The following PRKN variants were observed in gnomAD, a reference collection of about 807,000 sequenced individuals.
The protein encoded by PRKN is parkin RBR E3 ubiquitin protein ligase.
PRKN carries 56 observed loss-of-function variants against 59.5 expected under a neutral mutation model. The ratio of observed to expected loss-of-function variants is 0.94; its 90% CI spans 0.76 to 1.18. The LOEUF is 1.18. PRKN is among the 50% of genes most tolerant of loss of function. PRKN has a pLI of 0.00. For synonymous variants in PRKN, 250 were observed against 222.1 expected, an observed-to-expected ratio of 1.13 and a Z score of -1.12; for missense variants, 657 against 596.4, an observed-to-expected ratio of 1.10 and a Z score of -1.06.
rs188401052 is a variant in PRKN at position 162,499,247 on chromosome 6, C to G, written c.8-55774G>C. Among the ~76,000 whole-genome samples, 30 of 152,268 alleles carry G rather than the reference C, an allele frequency of 2.0e-4. 2 individuals carry two copies. The highest frequency in any genetic ancestry group is 1.5e-4 in the Non-Finnish European group (10 of 68,026). ...TCTCTGCAAGGAATAGTTTTCTTCT[C>G]TCTCCTAACTCCTATATGACCTTAA... On this transcript the variant is annotated intron_variant, in intron 1 of 11. Coordinates refer to ENST00000366898, the MANE Select transcript of PRKN (RefSeq NM_004562.3).
At chr6:161,770,168 G>A (rs1337485111) in intron 7 of PRKN, among the ~76,000 whole-genome samples, 2 of 152,148 alleles carry the variant, frequency 1.3e-5, no homozygotes, top group Admixed American at 1.3e-4. Context: ...CTGCGTTGAA[G>A]CTCAGGAAAC....
rs891495394 is a variant in PRKN at position 161,372,995 on chromosome 6, G to A, written c.1168-12790C>T. ...TGATCTTTAAAAAATATTTTTTGTAGAGATGGGGTCTCACTTTGTTGCCCA... is the reference window on the plus strand; with the variant it reads ...TGATCTTTAAAAAATATTTTTTGTAAAGATGGGGTCTCACTTTGTTGCCCA... On this transcript the variant is annotated intron_variant, in intron 10 of 11. Transcript: ENST00000366898. This position sits in a 1 kb window ranked among gnomAD's most constrained non-coding sequence, Gnocchi z 4.2. Among the ~76,000 whole-genome samples the A allele has an allele frequency of 5.3e-5, 8 of 151,986 alleles. No homozygotes were observed. The East Asian group carries it at 1.4e-3, about 26-fold the overall frequency.
chr6:162,245,042 G>A (rs1179899044), intron 3 of PRKN, among the ~76,000 whole-genome samples: 3 of 152,060 alleles, frequency 2.0e-5, no homozygotes, highest in African/African-American at 7.2e-5. Flanking sequence ...AATGGTTGCA[G>A]GGAGCAAAGT....
intron 1 of PRKN, among the ~76,000 whole-genome samples, chr6:162,616,381 C>T (rs1782417305): frequency 6.6e-6 from 1 of 152,176 alleles, no homozygotes; most frequent in Non-Finnish European, 1.5e-5. Context: ...AATAAATAGA[C>T]TTAGCAATGT....
chr6:161,734,545 A>G (rs927347342), intron 7 of PRKN, among the ~76,000 whole-genome samples: 4 of 152,192 alleles, frequency 2.6e-5, no homozygotes, highest in Non-Finnish European at 5.9e-5. Context: ...ACTTGTGGAA[A>G]CTGAGGGGTA....
chr6:162,398,253 G>A (rs1787574848), intron 2 of PRKN, among the ~76,000 whole-genome samples: 1 of 152,034 alleles, frequency 6.6e-6, no homozygotes, highest in Admixed American at 6.6e-5. Context: ...CTGGCTTACT[G>A]AATAAAGCTT....
intron 1 of PRKN, among the ~76,000 whole-genome samples, chr6:162,537,000 AATTAT>A (rs948024281): frequency 3.1e-4 from 47 of 152,170 alleles, no homozygotes; most frequent in African/African-American, 1.1e-3. Flanking sequence ...GTTTTCTAAC[AATTAT>A]ATTAGATATT....
chr6:162,159,092 G>A (rs1893548), intron 4 of PRKN, among the ~76,000 whole-genome samples: 118,328 of 151,874 alleles, frequency 0.78, 47,908 homozygotes, highest in Non-Finnish European at 0.89. Context: ...AGCCCCTCTG[G>A]ACCAGGCTCT....
chr6:162,445,806 G>A (rs1486720273), intron 1 of PRKN, among the ~76,000 whole-genome samples: 1 of 150,566 alleles, frequency 6.6e-6, no homozygotes, highest in Non-Finnish European at 1.5e-5. Flanking sequence ...TCCCTATATG[G>A]GTGTGCAGTA....
At chr6:161,929,921 T>C (rs1779110303) in intron 6 of PRKN, among the ~76,000 whole-genome samples, 1 of 152,224 alleles carries the variant, frequency 6.6e-6, no homozygotes, top group Non-Finnish European at 1.5e-5. Flanking sequence ...TGGGATTCCT[T>C]GTTTTCATAA....
intron 3 of PRKN, among the ~76,000 whole-genome samples, chr6:162,206,340 C>T (rs954376323): frequency 4.4e-4 from 67 of 152,102 alleles, no homozygotes; most frequent in Admixed American, 1.1e-3. Flanking sequence ...GGAAAGTAGC[C>T]AGTGCAGTCT....
At position 162,054,141 on chromosome 6, in the gene PRKN, T is replaced by C. The variant is rs149060668; in HGVS notation, c.568A>G (p.Asn190Asp). The C allele has an allele frequency of 9.3e-6, 15 of 1,613,584 alleles. No individual in the cohort carries two copies. In the African/African-American group the frequency reaches 1.6e-4, roughly 17 times the overall value. The stretch of plus-strand genomic sequence containing the variant: ...GATTGGCATTCACCACTCATCCGGT[T>C]TGGAATTAAAACATCATCCCAGCAA... Reference protein sequence around the residue: ...PSCWDDVLIPNRMSGECQSPH... With the variant: ...PSCWDDVLIPDRMSGECQSPH... Residue 190 changes from asparagine (N) to aspartate (D), a missense_variant, in exon 5 of 12, where the codon AAC (asparagine) becomes GAC (aspartate). Transcript: ENST00000366898.
At chr6:161,542,106 T>C (rs981633621) in intron 9 of PRKN, among the ~76,000 whole-genome samples, 1 of 152,198 alleles carries the variant, frequency 6.6e-6, no homozygotes, top group African/African-American at 2.4e-5. Context: ...GCGATCTACT[T>C]CCATTTAGTA....
At chr6:161,660,562 C>T (rs1784506153) in intron 7 of PRKN, among the ~76,000 whole-genome samples, 1 of 152,130 alleles carries the variant, frequency 6.6e-6, no homozygotes, top group Non-Finnish European at 1.5e-5. Flanking sequence ...TGGCCCATTC[C>T]TTAGAAAGGA....
intron 4 of PRKN, among the ~76,000 whole-genome samples, chr6:162,060,130 A>G (rs1467193670): frequency 6.6e-6 from 1 of 152,176 alleles, no homozygotes; most frequent in Non-Finnish European, 1.5e-5. Flanking sequence ...AATTTTCCAA[A>G]CTCATACTGA....
intron 7 of PRKN, among the ~76,000 whole-genome samples, chr6:161,741,872 T>C (rs370407680): frequency 1.4e-4 from 21 of 152,146 alleles, no homozygotes; most frequent in African/African-American, 3.4e-4. Context: ...GTGGAGATAA[T>C]TGAATCATGG....
At chr6:161,715,690 G>C (rs1786944331) in intron 7 of PRKN, among the ~76,000 whole-genome samples, 1 of 152,136 alleles carries the variant, frequency 6.6e-6, no homozygotes, top group Admixed American at 6.5e-5. Flanking sequence ...GTTGAGTTAG[G>C]ATGTTGCTCA....
At chr6:162,020,347 A>AAAAAAAAAAAAC (rs1783095461) in intron 5 of PRKN, among the ~76,000 whole-genome samples, 1 of 150,242 alleles carries the variant, frequency 6.7e-6, no homozygotes, top group Non-Finnish European at 1.5e-5. Flanking sequence ...AAAAAAAAAA[A>AAAAAAAAAAAAC]AAAAAAAAAA....
chr6:162,613,381 C>A (rs1782270952), intron 1 of PRKN, among the ~76,000 whole-genome samples: 2 of 152,154 alleles, frequency 1.3e-5, no homozygotes. Context: ...AAATTTCAAT[C>A]CTGTATTACA....
Sources: gnomAD v4.1 joint callset for allele counts (sites outside exome capture counted in the v4.1 genomes callset) on GRCh38, gnomAD v4.1.1 for gene constraint, Gnocchi (gnomAD v3.1) non-coding constraint, MANE v1.5 for transcripts, NCBI Gene and HGNC (gene_info 2026-07-23, HGNC 2026-07-21) for gene names.